The following MINK1 variants were observed in gnomAD, a reference collection of about 807,000 sequenced individuals.
MINK1 encodes the protein misshapen like kinase 1, also known as misshapen-like kinase 1.
MINK1 carries 46 observed loss-of-function variants against 178.4 expected under a neutral mutation model. The ratio of observed to expected loss-of-function variants is 0.26; its 90% CI spans 0.20 to 0.33. The LOEUF (loss-of-function observed/expected upper bound fraction) is 0.33, where lower values mean the gene tolerates loss of function less well. Among genes scored for constraint, MINK1 ranks in the 10% least tolerant of loss-of-function variants. MINK1 has a pLI of 1.00. For synonymous variants in MINK1, 797 were observed against 709.7 expected, an observed-to-expected ratio of 1.12 and a Z score of -1.96; for missense variants, 1,366 against 1,814.9, an observed-to-expected ratio of 0.75 and a Z score of 4.49.
chr17:4,889,508 A>C, intron 12 of MINK1, 139 bp from the exon 13 acceptor site: 1 of 749,530 alleles, frequency 1.3e-6, no homozygotes, highest in African/African-American at 1.7e-5. Context: ...GGATGGGTAT[A>C]GTTGCAGAAA....
rs1315015781 is a variant in MINK1 at position 4,894,849 on chromosome 17, G to A, written c.2917+216G>A. 6.2e-6 allele frequency: 4 copies of A among 647,640 alleles called. No individual in the cohort carries two copies. The highest frequency in any genetic ancestry group is 2.0e-5 in the South Asian group (1 of 51,148). 40.1% of individuals were successfully genotyped at this position (647,640 alleles called of 1,614,324 possible). ...AATGCTCAGAGTTGCCAGGGGACCT[G>A]GGCAAAGACTCAAAGCTAACAAGTG... On this transcript the variant is annotated intron_variant, in intron 24 of 31. Transcript: ENST00000355280. This position sits in a 1 kb window ranked among gnomAD's most constrained non-coding sequence, Gnocchi z 4.1.
At position 4,895,802 on chromosome 17, in the gene MINK1, G is replaced by C. The variant is rs372118929; in HGVS notation, c.3334G>C (p.Asp1112His). The change falls in exon 27 of 32, where the codon GAC (aspartate) becomes CAC (histidine). Residue 1112 changes from aspartate (D) to histidine (H), a missense_variant. Physicochemically the swap from Asp to His is moderately conservative, Grantham distance 81. Around this residue, in one of 14 missense-constraint regions of MINK1, gnomAD observed 77 missense variants for 119.5 expected, o/e 0.64. Transcript: ENST00000355280. This position sits in a 1 kb window ranked among gnomAD's most constrained non-coding sequence, Gnocchi z 4.3. ...GAAGCAGGGCTGGACCACCGTGGGG[G>C]ACATGGAGGGCTGCGGGCACTACCG... ...EKKQGWTTVGDMEGCGHYRVV... is the reference protein window; with the variant it reads ...EKKQGWTTVGHMEGCGHYRVV... 1.9e-6 allele frequency: 3 copies of C among 1,613,780 alleles called. No homozygotes were observed. The highest frequency in any genetic ancestry group is 2.5e-6 in the Non-Finnish European group (3 of 1,179,814).
At chr17:4,881,325 C>G in intron 4 of MINK1, 68 bp downstream of exon 4, 3 of 1,467,342 alleles carry the variant, frequency 2.0e-6, no homozygotes, top group South Asian at 1.2e-5. Context: ...CACTAGGACT[C>G]AGTATCAGTG....
Position 4,890,574 on chromosome 17 carries a change from C to T in MINK1, c.1405C>T (p.Leu469=). 1 of 1,578,670 alleles carries T rather than the reference C, an allele frequency of 6.3e-7. No homozygotes were observed. Among genetic ancestry groups the T allele is most frequent in the Non-Finnish European group, 8.6e-7 (1 of 1,163,134 alleles). ...QRQSERLQRQ[L]QQEHAYLKSL... ...GCAGTCAGAACGTCTCCAGAGGCAG[C>T]TGCAGCAGGAGCATGCCTACCTCAA... The change falls in exon 14 of 32, where the codon CTG becomes TTG. Residue 469 remains leucine (L), a synonymous_variant. Coordinates refer to ENST00000355280, the MANE Select transcript of MINK1 (RefSeq NM_153827.5).
intron 2 of MINK1, 40 bp from the exon 3 acceptor site, chr17:4,880,944 C>G: frequency 3.4e-6 from 5 of 1,450,316 alleles, no homozygotes; most frequent in Non-Finnish European, 4.5e-6. Context: ...TCTCTACGCT[C>G]CACCCTCTGA....
Position 4,893,077 on chromosome 17 carries a change from C to T in MINK1, c.2400+10C>T. 6.4e-7 allele frequency: 1 copy of T among 1,555,930 alleles called. No homozygotes were observed. The highest frequency in any genetic ancestry group is 8.7e-7 in the Non-Finnish European group (1 of 1,151,718). On this transcript the variant is annotated intron_variant, in intron 20 of 31. Coordinates refer to ENST00000355280, the MANE Select transcript of MINK1 (RefSeq NM_153827.5). ...GCCAGGCCGGCCCGCAGTGAGTCAC[C>T]TGGTGGCAGGCATGGCCTGCCTCAT...
At chr17:4,838,327 A>G (rs1269654364) in intron 1 of MINK1, among the ~76,000 whole-genome samples, 2 of 152,186 alleles carry the variant, frequency 1.3e-5, no homozygotes, top group Non-Finnish European at 2.9e-5. Flanking sequence ...GGGATAGGAC[A>G]GTTTGCCATA....
rs1181842099 is a variant in MINK1 at position 4,887,416 on chromosome 17, G to A, written c.1020-164G>A. Among the ~76,000 whole-genome samples, 9 of 152,190 alleles carry A rather than the reference G, an allele frequency of 5.9e-5. No homozygotes were observed. On this transcript the variant is annotated intron_variant, in intron 11 of 31. Transcript: ENST00000355280. This position sits in a 1 kb window ranked among gnomAD's most constrained non-coding sequence, Gnocchi z 7.6. ...AGTAATAGGAAAGGAGGACAGGACT[G>A]AAGACTGGGCAGAAGGGGACGGTAA...
intron 1 of MINK1, among the ~76,000 whole-genome samples, chr17:4,843,004 G>A (rs866675709): frequency 2.0e-5 from 3 of 152,208 alleles, no homozygotes; most frequent in African/African-American, 2.4e-5. Context: ...TCCACAGCTC[G>A]CTGTTTCCCA....
chr17:4,888,915 G>A (rs1015564404), intron 12 of MINK1, among the ~76,000 whole-genome samples: 5 of 151,964 alleles, frequency 3.3e-5, no homozygotes, highest in Non-Finnish European at 5.9e-5. Flanking sequence ...GGTCAGGCTG[G>A]TCTCGAACTC....
At chr17:4,834,885 A>T (rs1216030604) in intron 1 of MINK1, 2 of 519,794 alleles carry the variant, frequency 3.8e-6, no homozygotes, top group East Asian at 1.1e-4. Flanking sequence ...GGTGCCCCGG[A>T]TATGGCTGGA....
rs1171587678 is a variant in MINK1 at position 4,866,327 on chromosome 17, C to T, written c.58-11990C>T. ...CTAAAAATACAAAAAATTAGCTGGG[C>T]GTGGTGGGGTGTGCCTGTAGTCCCA... On this transcript the variant is annotated intron_variant, in intron 1 of 31. Coordinates refer to ENST00000355280, the MANE Select transcript of MINK1 (RefSeq NM_153827.5). 1.2e-4 allele frequency among the ~76,000 whole-genome samples: 18 copies of T among 151,680 alleles called. 1 individual carries two copies. Among genetic ancestry groups the T allele is most frequent in the Admixed American group, 9.9e-4 (15 of 15,214 alleles).
At position 4,833,589 on chromosome 17, in the gene MINK1, C is replaced by G; in HGVS notation, c.6C>G (p.Gly2=). 6.7e-7 allele frequency: 1 copy of G among 1,499,444 alleles called. No homozygotes were observed. Among genetic ancestry groups the G allele is most frequent in the Non-Finnish European group, 8.8e-7 (1 of 1,130,638 alleles). The allele number at this position is 1,499,444 out of a possible 1,614,324, so 92.9% of individuals were successfully genotyped here. Residue 2 remains glycine (G), a synonymous_variant, in exon 1 of 32, where the codon GGC becomes GGG. Coordinates refer to ENST00000355280, the MANE Select transcript of MINK1 (RefSeq NM_153827.5). This position sits in a 1 kb window ranked among gnomAD's most constrained non-coding sequence, Gnocchi z 4.8. ...CCCCGTTCCCCACGGAGGCCATGGG[C>G]GACCCAGCCCCCGCCCGCAGCCTGG... is the stretch of plus-strand genomic sequence containing the variant. M[G]DPAPARSLDD...
intron 1 of MINK1, among the ~76,000 whole-genome samples, chr17:4,841,973 G>A (rs905671405): frequency 6.6e-6 from 1 of 152,124 alleles, no homozygotes; most frequent in Non-Finnish European, 1.5e-5. Flanking sequence ...TGTAATCCCA[G>A]CACTTTGGGA....
At chr17:4,878,522 T>A in intron 2 of MINK1, 140 bp downstream of exon 2, 1 of 742,926 alleles carries the variant, frequency 1.3e-6, no homozygotes, top group Non-Finnish European at 2.2e-6. Context: ...AAAGGTAGAG[T>A]GGGGGAGAGG....
At position 4,891,008 on chromosome 17, in the gene MINK1, C is replaced by A; in HGVS notation, c.1624C>A (p.Pro542Thr). The change falls in exon 15 of 32, where the codon CCA (proline) becomes ACA (threonine). Residue 542 changes from proline (P) to threonine (T), a missense_variant. Pro to Thr is a conservative substitution (Grantham distance 38). Transcript: ENST00000355280. Reference protein sequence around the residue: ...QQNSPLAKSKPGSTGPEPPIP... With the variant: ...QQNSPLAKSKTGSTGPEPPIP... ...GAACTCTCCCTTGGCCAAGAGCAAG[C>A]CAGGCAGCACGGGGCCTGAGCCCCC... 1 of 1,560,200 alleles carries A rather than the reference C, an allele frequency of 6.4e-7. No individual in the cohort carries two copies. The highest frequency in any genetic ancestry group is 8.7e-7 in the Non-Finnish European group (1 of 1,152,160).
At chr17:4,851,502 C>T (rs1310937622) in intron 1 of MINK1, among the ~76,000 whole-genome samples, 1 of 152,188 alleles carries the variant, frequency 6.6e-6, no homozygotes, top group Non-Finnish European at 1.5e-5. Flanking sequence ...TGTCTGCCCC[C>T]CTGCGATGGG....
chr17:4,890,733 G>C lies in MINK1; in HGVS notation c.1564G>C (p.Glu522Gln). The C allele has an allele frequency of 6.5e-7, 1 of 1,545,876 alleles. No individual in the cohort carries two copies. The highest frequency in any genetic ancestry group is 8.7e-7 in the Non-Finnish European group (1 of 1,143,598). ...CGCTGACAAACCAGCCTGGGCCCGA[G>C]AGGTACTCACTGCCTCCTTTGCCTC... is the stretch of plus-strand genomic sequence containing the variant. The part of the protein sequence containing the change: ...NPADKPAWAR[E>Q]VEERTRMNKQ... Residue 522 changes from glutamate to glutamine, a missense_variant and splice_region_variant, in exon 14 of 32, where the codon GAG becomes CAG. Around this residue, in one of 14 missense-constraint regions of MINK1, gnomAD observed 709 missense variants for 692.3 expected, o/e 1.02. Transcript: ENST00000355280.
rs1389857834 is a variant in MINK1, at chr17:4,885,185, TTCACCTG to T, written c.508+192_508+198del. The stretch of plus-strand genomic sequence containing the variant: ...CTGCTGAAAATCCCTCAGGAAGCTC[TTCACCTG>T]TCACCTGTTACGGGCCAGGTGCTCT... On this transcript the variant is annotated intron_variant, in intron 6 of 31. Coordinates refer to ENST00000355280, the MANE Select transcript of MINK1 (RefSeq NM_153827.5). This position sits in a 1 kb window ranked among gnomAD's most constrained non-coding sequence, Gnocchi z 5.0. 6.6e-6 allele frequency among the ~76,000 whole-genome samples: 1 copy of T among 152,196 alleles called. No homozygotes were observed. Among genetic ancestry groups the T allele is most frequent in the Non-Finnish European group, 1.5e-5 (1 of 68,024 alleles).
Sources: gnomAD v4.1 joint callset for allele counts (sites outside exome capture counted in the v4.1 genomes callset) on GRCh38, gnomAD v4.1.1 for gene constraint, gnomAD v4.1.1 regional missense constraint, Gnocchi (gnomAD v3.1) non-coding constraint, MANE v1.5 for transcripts, NCBI Gene and HGNC (gene_info 2026-07-23, HGNC 2026-07-21) for gene names.